Variants in LRRIQ1 observed in about 807,000 individuals in gnomAD.
LRRIQ1 encodes the protein leucine-rich repeat- and IQ domain-containing protein 1.
Under a neutral mutation model 211.9 loss-of-function variants are expected in LRRIQ1, and 210 were observed. The ratio of observed to expected loss-of-function variants is 0.99; its 90% CI spans 0.89 to 1.11. LRRIQ1 has a LOEUF of 1.11. Ranked by LOEUF, LRRIQ1 falls within the 50% of genes most tolerant of loss-of-function variation. LRRIQ1 has a pLI of 0.00. For missense variants in LRRIQ1, 2,136 were observed against 1,939.5 expected, an observed-to-expected ratio of 1.10 and a Z score of -1.90; for synonymous variants, 699 against 650.1, an observed-to-expected ratio of 1.08 and a Z score of -1.14.
chr12:85,129,389 CTTTA>C (rs199853624), intron 18 of LRRIQ1, among the ~76,000 whole-genome samples: 1,630 of 152,282 alleles, frequency 0.011, 16 homozygotes, highest in South Asian at 0.017. Context: ...TAGCATTTCC[CTTTA>C]TTCATTCAGC....
chr12:85,196,449 A>C (rs935163123), intron 24 of LRRIQ1, among the ~76,000 whole-genome samples: 1 of 152,154 alleles, frequency 6.6e-6, no homozygotes, highest in Non-Finnish European at 1.5e-5. Flanking sequence ...ACAGTAACCA[A>C]AACAGCATGG....
In LRRIQ1 at chr12:85,040,579, C is replaced by T; in HGVS notation, c.222C>T (p.Asp74=). 6.3e-7 allele frequency: 1 copy of T among 1,588,790 alleles called. No individual in the cohort carries two copies. The highest frequency in any genetic ancestry group is 1.7e-5 in the Admixed American group (1 of 59,036). The part of the protein sequence containing the change: ...SKAVEELILQ[D]LEDTDILSCS... Reference sequence around the variant, plus strand: ...CTGTTGAAGAGCTCATTCTTCAGGACCTGGAAGATACTGATATTTTAAGTA... The same window carrying T: ...CTGTTGAAGAGCTCATTCTTCAGGATCTGGAAGATACTGATATTTTAAGTA... Residue 74 remains aspartate, a synonymous_variant, in exon 3 of 27, where the codon GAC becomes GAT. Transcript: ENST00000393217.
intron 11 of LRRIQ1, among the ~76,000 whole-genome samples, chr12:85,096,536 T>C (rs1034731961): frequency 2.0e-5 from 3 of 152,150 alleles, no homozygotes; most frequent in Non-Finnish European, 4.4e-5. Context: ...ATTGGTATGA[T>C]TTCTGTGTGT....
chr12:85,055,397 A>G, intron 7 of LRRIQ1, 150 bp from the exon 8 acceptor site: 2 of 564,520 alleles, frequency 3.5e-6, no homozygotes, highest in Non-Finnish European at 5.3e-6. Flanking sequence ...CCTTTAAGAT[A>G]AATGACTTTA....
chr12:85,133,900 A>C (rs1451979843), intron 18 of LRRIQ1, among the ~76,000 whole-genome samples: 1 of 152,150 alleles, frequency 6.6e-6, no homozygotes, highest in African/African-American at 2.4e-5. Context: ...ATTAATAAGC[A>C]TAATTAAGGA....
chr12:85,109,731 C>CT (rs1262786195), intron 15 of LRRIQ1, among the ~76,000 whole-genome samples: 1 of 152,094 alleles, frequency 6.6e-6, no homozygotes, highest in African/African-American at 2.4e-5. Context: ...TTAAGAAGCC[C>CT]TTTTGATGAT....
At chr12:85,237,033 G>A (rs1895221588) in intron 26 of LRRIQ1, among the ~76,000 whole-genome samples, 1 of 151,616 alleles carries the variant, frequency 6.6e-6, no homozygotes, top group African/African-American at 2.4e-5. Flanking sequence ...TTAAAACCAT[G>A]CAGAAAATAG....
intron 24 of LRRIQ1, among the ~76,000 whole-genome samples, chr12:85,199,660 TAGAAGGCAAAGG>T (rs909956246): frequency 3.9e-5 from 6 of 152,080 alleles, no homozygotes; most frequent in African/African-American, 1.2e-4. Context: ...ATAATCATGG[TAGAAGGCAAAGG>T]AGAAGCAGAC....
intron 24 of LRRIQ1, among the ~76,000 whole-genome samples, chr12:85,212,412 C>T (rs539930528): frequency 7.9e-5 from 12 of 152,134 alleles, no homozygotes; most frequent in East Asian, 1.9e-4. Context: ...AAGAGAAATA[C>T]GTTTTTTTAA....
chr12:85,060,384 C>T (rs1881650214), intron 8 of LRRIQ1, among the ~76,000 whole-genome samples: 1 of 151,800 alleles, frequency 6.6e-6, no homozygotes, highest in Non-Finnish European at 1.5e-5. Context: ...AATGTTTTAA[C>T]TATTTTTTAT....
intron 11 of LRRIQ1, among the ~76,000 whole-genome samples, chr12:85,092,356 T>G (rs1885478991): frequency 1.3e-5 from 2 of 152,142 alleles, no homozygotes; most frequent in South Asian, 4.1e-4. Context: ...ATTATTTTAT[T>G]TATCATTTCC....
intron 24 of LRRIQ1, among the ~76,000 whole-genome samples, chr12:85,178,780 C>T (rs79839732): frequency 0.032 from 4,811 of 151,764 alleles, 246 homozygotes; most frequent in East Asian, 0.2. Flanking sequence ...TATATGACCT[C>T]ATTCTCTACT....
At chr12:85,272,376 C>T in the LRRIQ1 span, among the ~76,000 whole-genome samples, 1 of 152,120 alleles carries the variant, frequency 6.6e-6, no homozygotes, top group African/African-American at 2.4e-5. Context: ...TAAGCAATTC[C>T]TAATGTGGCA....
rs1321161326 is a variant in LRRIQ1, at chr12:85,038,192, G to A, written c.16G>A (p.Ala6Thr). The A allele has an allele frequency of 1.9e-6, 3 of 1,565,086 alleles. No individual in the cohort carries two copies. The highest frequency in any genetic ancestry group is 2.6e-6 in the Non-Finnish European group (3 of 1,153,590). Residue 6 changes from alanine to threonine, a missense_variant, in exon 2 of 27, where the codon GCA (alanine) becomes ACA (threonine). Transcript: ENST00000393217. MDDDDAKLKAEIEAEL... is the reference protein window; with the variant it reads MDDDDTKLKAEIEAEL... ...ATGAAGAATAATGGACGATGATGAT[G>A]CAAAGCTCAAAGCAGAAATAGAAGC...
At chr12:85,057,219 A>G in intron 8 of LRRIQ1, 35 bp downstream of exon 8, 1 of 1,298,694 alleles carries the variant, frequency 7.7e-7, no homozygotes, top group Non-Finnish European at 1.0e-6. Context: ...TTCACATTTA[A>G]TTACAATTAG....
chr12:85,211,146 C>G (rs1893819173), intron 24 of LRRIQ1, among the ~76,000 whole-genome samples: 1 of 152,170 alleles, frequency 6.6e-6, no homozygotes, highest in Non-Finnish European at 1.5e-5. Flanking sequence ...CTATGCCATG[C>G]TCACATCAAC....
At chr12:85,178,903 C>T (rs1891846852) in intron 24 of LRRIQ1, among the ~76,000 whole-genome samples, 1 of 140,820 alleles carries the variant, frequency 7.1e-6, no homozygotes, top group African/African-American at 2.7e-5. Flanking sequence ...AGCACATAGT[C>T]TCTGTCTTTA....
chr12:85,195,934 C>T (rs796830752), intron 24 of LRRIQ1, among the ~76,000 whole-genome samples: 1 of 151,722 alleles, frequency 6.6e-6, no homozygotes, highest in Non-Finnish European at 1.5e-5. Context: ...ACCCCATCGT[C>T]TCAGCCCAAA....
chr12:85,261,030 G>C (rs1896270076), intron 1 of LRRIQ1, among the ~76,000 whole-genome samples: 1 of 152,114 alleles, frequency 6.6e-6, no homozygotes, highest in African/African-American at 2.4e-5. Context: ...GCTAACACGT[G>C]GAAGTCAACT....
Sources: allele counts gnomAD v4.1 joint callset (sites outside exome capture counted in the v4.1 genomes callset), GRCh38; gene constraint gnomAD v4.1.1; transcripts MANE v1.5; gene names NCBI Gene and HGNC (gene_info 2026-07-23, HGNC 2026-07-21).